NAV1: variants seen among roughly 807,000 people sequenced by gnomAD.
NAV1 encodes the protein neuron navigator 1, also known as pore membrane and/or filament interacting like protein 3.
A neutral mutation model predicts 175.2 loss-of-function variants in NAV1; 18 were observed. The observed-to-expected ratio is 0.10, with a 90% CI of 0.07 to 0.15. NAV1 has a LOEUF of 0.15. Ranked by LOEUF, NAV1 falls within the 10% of genes least tolerant of loss-of-function variation. The pLI, the probability that NAV1 is intolerant of heterozygous loss-of-function variation, is 1.00. For missense variants in NAV1, 1,731 were observed against 2,436.6 expected (o/e 0.71, Z 6.10); for synonymous variants, 897 against 978.7 (o/e 0.92, Z 1.56).
At chr1:201,763,017 T>A (rs1352794753) in intron 3 of NAV1, among the ~76,000 whole-genome samples, 1 of 152,246 alleles carries the variant, frequency 6.6e-6, no homozygotes, top group Non-Finnish European at 1.5e-5. Flanking sequence ...AACAGAATCC[T>A]ACTGACTATT....
chr1:201,583,233 C>T (rs1307951866), intron 1 of NAV1, among the ~76,000 whole-genome samples: 1 of 152,256 alleles, frequency 6.6e-6, no homozygotes, highest in Non-Finnish European at 1.5e-5. Context: ...CAGGCTCGCC[C>T]GTGTTGGTAT....
intron 2 of NAV1, among the ~76,000 whole-genome samples, chr1:201,591,693 G>A (rs1216392884): frequency 2.0e-5 from 3 of 152,150 alleles, no homozygotes; most frequent in Admixed American, 2.0e-4. Flanking sequence ...TCTCCTTCTG[G>A]CCTGTGAATT....
rs76279111 is a variant in NAV1 at position 201,590,581 on chromosome 1, G to A, written c.-33+1932G>A. On this transcript the variant is annotated intron_variant, in intron 2 of 33. Transcript: ENST00000685211. ...CTGGCAACCCCTGGCTTTCTTTTTC[G>A]GACACAGGTGTTAATGACTGCATGC... 7.0e-3 allele frequency among the ~76,000 whole-genome samples: 1,058 copies of A among 152,170 alleles called. 14 individuals are homozygous for A. Among genetic ancestry groups the A allele is most frequent in the African/African-American group, 0.024 (1,003 of 41,498 alleles).
At chr1:201,645,577 G>A (rs1038019638), upstream of NAV1, among the ~76,000 whole-genome samples, 54 of 151,960 alleles carry the variant, frequency 3.6e-4, no homozygotes, top group African/African-American at 1.3e-3. Context: ...TAAAATAAAA[G>A]GATTTGAGAG....
chr1:201,685,002 C>A (rs1234342188), intron 1 of NAV1, among the ~76,000 whole-genome samples: 2 of 147,656 alleles, frequency 1.4e-5, no homozygotes, highest in Non-Finnish European at 3.0e-5. Context: ...TCTGGCCGGG[C>A]GCGGTGGCTT....
chr1:201,597,521 T>C (rs1667387519), intron 2 of NAV1, among the ~76,000 whole-genome samples: 1 of 152,220 alleles, frequency 6.6e-6, no homozygotes, highest in Non-Finnish European at 1.5e-5. Flanking sequence ...GGTTAAAGCC[T>C]GAGAAGAGGA....
chr1:201,777,608 A>C (rs2102695462), intron 3 of NAV1, among the ~76,000 whole-genome samples: 1 of 149,892 alleles, frequency 6.7e-6, no homozygotes, highest in South Asian at 2.1e-4. Context: ...TTTTTTTTTC[A>C]AGCCATTCAA....
chr1:201,719,846 A>G (rs1439973126), intron 3 of NAV1, among the ~76,000 whole-genome samples: 1 of 151,844 alleles, frequency 6.6e-6, no homozygotes, highest in Non-Finnish European at 1.5e-5. Context: ...CCAGACTTCA[A>G]GGGAGTGGAA....
chr1:201,679,932 T>C (rs1056722711), intron 1 of NAV1, among the ~76,000 whole-genome samples: 9 of 152,254 alleles, frequency 5.9e-5, no homozygotes, highest in Non-Finnish European at 1.3e-4. Context: ...GATTGATTTA[T>C]ATCACAATGT....
At chr1:201,759,496 A>G (rs1674712347) in intron 3 of NAV1, among the ~76,000 whole-genome samples, 1 of 152,206 alleles carries the variant, frequency 6.6e-6, no homozygotes, top group African/African-American at 2.4e-5. Flanking sequence ...TCAGGTTCCT[A>G]AATTATTTAA....
intron 1 of NAV1, among the ~76,000 whole-genome samples, chr1:201,657,820 T>G (rs1669463073): frequency 6.6e-6 from 1 of 152,118 alleles, no homozygotes; most frequent in Non-Finnish European, 1.5e-5. Context: ...TCACTTGAGC[T>G]CAGGAGTTTG....
intron 2 of NAV1, among the ~76,000 whole-genome samples, chr1:201,599,987 C>T (rs1490062738): frequency 3.3e-5 from 5 of 152,208 alleles, no homozygotes; most frequent in African/African-American, 1.2e-4. Flanking sequence ...ACAGGCCAAG[C>T]TCTGGGCTCT....
chr1:201,631,764 G>A (rs1461385815), intron 2 of NAV1, among the ~76,000 whole-genome samples: 1 of 152,258 alleles, frequency 6.6e-6, no homozygotes, highest in African/African-American at 2.4e-5. Flanking sequence ...ATAATTCACA[G>A]AATCCAGCAT....
chr1:201,586,043 C>T (rs1430247927), intron 1 of NAV1, among the ~76,000 whole-genome samples: 4 of 152,162 alleles, frequency 2.6e-5, no homozygotes, highest in East Asian at 1.9e-4. Flanking sequence ...CATTATTCAC[C>T]ATAGCCAAAG....
chr1:201,763,123 T>C (rs1029985229), intron 3 of NAV1, among the ~76,000 whole-genome samples: 2 of 152,212 alleles, frequency 1.3e-5, no homozygotes, highest in Admixed American at 1.3e-4. Flanking sequence ...GACTTTTTAG[T>C]TTTCCTCAAG....
chr1:201,744,323 T>C (rs999264012), intron 3 of NAV1, among the ~76,000 whole-genome samples: 1 of 149,142 alleles, frequency 6.7e-6, no homozygotes, highest in African/African-American at 2.4e-5. Flanking sequence ...TATGTATTTA[T>C]TTATTTATTT....
chr1:201,711,543 G>A (rs566928529), intron 1 of NAV1, among the ~76,000 whole-genome samples: 3 of 152,348 alleles, frequency 2.0e-5, no homozygotes, highest in Non-Finnish European at 4.4e-5. Context: ...GGGCTGAGGA[G>A]GGACTGAGGG....
At chr1:201,572,374 T>C (rs999447028) in intron 1 of NAV1, among the ~76,000 whole-genome samples, 24 of 149,676 alleles carry the variant, frequency 1.6e-4, no homozygotes, top group Admixed American at 4.0e-4. Flanking sequence ...TTCTTTCTTT[T>C]TTTTTTTTTT....
At chr1:201,701,700 C>G (rs1671433625) in intron 1 of NAV1, among the ~76,000 whole-genome samples, 1 of 152,096 alleles carries the variant, frequency 6.6e-6, no homozygotes, top group Admixed American at 6.5e-5. Flanking sequence ...CACTTCATAC[C>G]CACTGGATGG....
Sources: gnomAD v4.1 joint callset for allele counts (sites outside exome capture counted in the v4.1 genomes callset) on GRCh38, gnomAD v4.1.1 for gene constraint, MANE v1.5 for transcripts, NCBI Gene and HGNC (gene_info 2026-07-23, HGNC 2026-07-21) for gene names.